The following PXDNL variants were observed in gnomAD, a reference collection of about 807,000 sequenced individuals.
PXDNL encodes peroxidasin like.
In PXDNL, 145 loss-of-function variants were observed where a neutral mutation model predicts 150.8. That is an observed-to-expected ratio of 0.96 (90% CI 0.84 to 1.10). The LOEUF (loss-of-function observed/expected upper bound fraction) is 1.10, where lower values mean the gene tolerates loss of function less well. Among genes scored for constraint, PXDNL ranks in the 50% least tolerant of loss-of-function variants. The probability of loss-of-function intolerance (pLI) is 0.00; values close to 1 mark genes in which losing one functional copy is unlikely to be tolerated. For synonymous variants in PXDNL, 757 were observed against 725.7 expected (o/e 1.04, Z -0.69); for missense variants, 2,087 against 1,873.9 (o/e 1.11, Z -2.10).
intron 3 of PXDNL, among the ~76,000 whole-genome samples, chr8:51,588,435 C>A (rs1157709493): frequency 6.6e-6 from 1 of 152,176 alleles, no homozygotes; most frequent in East Asian, 1.9e-4. Flanking sequence ...AGAGCCCAGA[C>A]TCTTTTTTCA....
At chr8:51,784,819 A>T (rs900401445) in intron 1 of PXDNL, among the ~76,000 whole-genome samples, 1 of 152,224 alleles carries the variant, frequency 6.6e-6, no homozygotes, top group African/African-American at 2.4e-5. Context: ...TAGAAAAAAT[A>T]ATACTTTAAT....
At chr8:51,512,965 T>C (rs1201563862) in intron 4 of PXDNL, among the ~76,000 whole-genome samples, 1 of 152,226 alleles carries the variant, frequency 6.6e-6, no homozygotes, top group Non-Finnish European at 1.5e-5. Context: ...CTAGGTTCTG[T>C]TCCAATTATA....
chr8:51,378,538 C>A (rs542849174), intron 17 of PXDNL, among the ~76,000 whole-genome samples: 5 of 152,332 alleles, frequency 3.3e-5, no homozygotes, highest in Admixed American at 6.5e-5. Context: ...CAGGCTGCCC[C>A]AGCCAGCAGT....
At chr8:51,413,920 A>C (rs151132877) in intron 14 of PXDNL, among the ~76,000 whole-genome samples, 1 of 152,284 alleles carries the variant, frequency 6.6e-6, no homozygotes, top group East Asian at 1.9e-4. Flanking sequence ...TATCAGAGAA[A>C]TAATCAGCAC....
chr8:51,618,209 G>C (rs1222191711), intron 2 of PXDNL, among the ~76,000 whole-genome samples: 2 of 152,258 alleles, frequency 1.3e-5, no homozygotes, highest in African/African-American at 2.4e-5. Context: ...TACCAGAGCA[G>C]AGAATGGGAC....
At chr8:51,353,317 C>T (rs1442758188) in intron 19 of PXDNL, among the ~76,000 whole-genome samples, 1 of 151,458 alleles carries the variant, frequency 6.6e-6, no homozygotes, top group African/African-American at 2.4e-5. Flanking sequence ...TCAGTACATT[C>T]ATATTTATTT....
rs114687459 is a variant in PXDNL, at chr8:51,627,174, A to G, written c.236+27515T>C. On this transcript the variant is annotated intron_variant, in intron 2 of 22. Transcript: ENST00000356297. ...AGCCAACTGTACTTTTAGGAGTACAATTAAATTTCTCTGTGACTTTGCTTC... is the reference window on the plus strand; with the variant it reads ...AGCCAACTGTACTTTTAGGAGTACAGTTAAATTTCTCTGTGACTTTGCTTC... Among the ~76,000 whole-genome samples, 945 of 152,344 alleles carry G rather than the reference A, an allele frequency of 6.2e-3. 17 individuals carry two copies. Among genetic ancestry groups the G allele is most frequent in the African/African-American group, 0.022 (894 of 41,574 alleles).
intron 3 of PXDNL, among the ~76,000 whole-genome samples, chr8:51,565,504 T>C (rs1331390368): frequency 6.6e-6 from 1 of 151,688 alleles, no homozygotes; most frequent in Non-Finnish European, 1.5e-5. Flanking sequence ...ACTATATTTT[T>C]TCACTGTAAT....
chr8:51,321,711 G>T (rs1475088759), intron 21 of PXDNL, among the ~76,000 whole-genome samples: 2 of 152,090 alleles, frequency 1.3e-5, no homozygotes, highest in African/African-American at 4.8e-5. Context: ...AGGCCTCCCA[G>T]TCATGCTTCC....
chr8:51,320,629 C>T (rs1390321419), intron 22 of PXDNL, 155 bp downstream of exon 22: 1 of 591,792 alleles, frequency 1.7e-6, no homozygotes, highest in Non-Finnish European at 2.9e-6. Flanking sequence ...AAGCAAAAGC[C>T]TCAAAATTTC....
intron 1 of PXDNL, among the ~76,000 whole-genome samples, chr8:51,772,235 T>TACACACAC (rs200712070): frequency 9.3e-6 from 1 of 107,176 alleles, no homozygotes; most frequent in African/African-American, 3.5e-5. Context: ...TCTCTCTCTA[T>TACACACAC]ATACACACAC....
At chr8:51,781,394 A>G (rs1310311532) in intron 1 of PXDNL, among the ~76,000 whole-genome samples, 1 of 152,144 alleles carries the variant, frequency 6.6e-6, no homozygotes, top group African/African-American at 2.4e-5. Context: ...TGCAGCCATC[A>G]TAAAAGAGCT....
rs199695996 is a variant in PXDNL at position 51,423,671 on chromosome 8, T to A, written c.1699A>T (p.Ile567Phe). The change falls in exon 14 of 23, where the codon ATC (isoleucine) becomes TTC (phenylalanine). Residue 567 changes from isoleucine to phenylalanine, a missense_variant. Ile to Phe is a conservative substitution (Grantham distance 21, BLOSUM62 0). Transcript: ENST00000356297. Reference protein sequence around the residue: ...FHVDDEGTLTIYDAGFPDQGR... With the variant: ...FHVDDEGTLTFYDAGFPDQGR... ...TGGTCAGGGAACCCTGCGTCGTAGA[T>A]AGTCAGCGTGCCTTCATCATCCACA... The A allele has an allele frequency of 2.0e-5, 33 of 1,613,778 alleles. No homozygotes were observed. Among genetic ancestry groups the A allele is most frequent in the Non-Finnish European group, 2.6e-5 (31 of 1,179,826 alleles).
intron 17 of PXDNL, among the ~76,000 whole-genome samples, chr8:51,381,805 C>T (rs1015927766): frequency 7.3e-5 from 11 of 150,892 alleles, no homozygotes; most frequent in African/African-American, 2.7e-4. Flanking sequence ...GGCACCCGTC[C>T]CCACGCCCAG....
intron 1 of PXDNL, among the ~76,000 whole-genome samples, chr8:51,762,288 C>T (rs1201157451): frequency 6.6e-6 from 1 of 152,148 alleles, no homozygotes; most frequent in Non-Finnish European, 1.5e-5. Flanking sequence ...TATTTCCTTG[C>T]CATACCTTGA....
At chr8:51,414,345 T>C (rs185936938) in intron 14 of PXDNL, among the ~76,000 whole-genome samples, 1 of 152,066 alleles carries the variant, frequency 6.6e-6, no homozygotes, top group African/African-American at 2.4e-5. Context: ...TGACCATCTA[T>C]ATAGCCTAGA....
At position 51,453,536 on chromosome 8, in the gene PXDNL, G is replaced by C. The variant is rs986533362; in HGVS notation, c.1232C>G (p.Ala411Gly). The C allele has an allele frequency of 1.2e-6, 2 of 1,613,986 alleles. No individual in the cohort carries two copies. Among genetic ancestry groups the C allele is most frequent in the Non-Finnish European group, 1.7e-6 (2 of 1,179,862 alleles). Residue 411 changes from alanine (A) to glycine (G), a missense_variant, in exon 10 of 23, where the codon GCA becomes GGA. Coordinates refer to ENST00000356297, the MANE Select transcript of PXDNL (RefSeq NM_144651.5). ...TCCCATACCTTGTACAATTATGTTT[G>C]CTGCAGCTTGAACAGTGCCGTGGCT... is the stretch of plus-strand genomic sequence containing the variant. ...NNSHGTVQAAANIIVQAPPQF... is the reference protein window; with the variant it reads ...NNSHGTVQAAGNIIVQAPPQF...
chr8:51,658,804 T>C (rs939930910), intron 1 of PXDNL, among the ~76,000 whole-genome samples: 4 of 152,212 alleles, frequency 2.6e-5, no homozygotes, highest in Non-Finnish European at 5.9e-5. Flanking sequence ...ATGTTGTTCC[T>C]TGTCTACACA....
chr8:51,509,762 AC>A, intron 4 of PXDNL, among the ~76,000 whole-genome samples: 1 of 150,734 alleles, frequency 6.6e-6, no homozygotes, highest in African/African-American at 2.4e-5. Context: ...ACACACACAC[AC>A]ACACACACAC....
Sources: gnomAD v4.1 joint callset for allele counts (sites outside exome capture counted in the v4.1 genomes callset) on GRCh38, gnomAD v4.1.1 for gene constraint, MANE v1.5 for transcripts, NCBI Gene and HGNC (gene_info 2026-07-23, HGNC 2026-07-21) for gene names.